Variants in TAP1 observed in about 807,000 individuals in gnomAD.
TAP1 encodes the protein transporter 1, ATP binding cassette subfamily B member, also known as antigen peptide transporter 1.
A neutral mutation model predicts 79.3 loss-of-function variants in TAP1; 56 were observed. The observed-to-expected ratio is 0.71, with a 90% confidence interval of 0.57 to 0.88. The LOEUF (loss-of-function observed/expected upper bound fraction) is 0.88. Ranked by LOEUF, TAP1 falls within the 40% of genes least tolerant of loss-of-function variation. The pLI, the probability that TAP1 is intolerant of heterozygous loss-of-function variation, is 0.00. For missense variants in TAP1, 737 were observed against 936.3 expected (o/e 0.79, Z 2.78); for synonymous variants, 355 against 401.4 (o/e 0.88, Z 1.38).
In TAP1 at chr6:32,852,340, A is replaced by G. The variant is rs375332946; in HGVS notation, c.713+48T>C. ...AAGTGCATTTCGGACAGCAGCCCCA[A>G]CTTCCAACTCCCTCATTTGCAGGGT... On this transcript the variant is annotated intron_variant, in intron 2 of 10. Transcript: ENST00000354258. The surrounding 1 kb of genome is among the most constrained non-coding windows in gnomAD (Gnocchi z 4.8). The G allele has an allele frequency of 6.2e-7, 1 of 1,603,778 alleles. No individual in the cohort carries two copies. Among genetic ancestry groups the G allele is most frequent in the African/African-American group, 1.5e-5 (1 of 68,740 alleles).
rs374080419 is a variant in TAP1, at chr6:32,847,495, G to C, written c.1903+18C>G. 6.5e-5 allele frequency: 105 copies of C among 1,613,128 alleles called. No homozygotes were observed. The highest frequency in any genetic ancestry group is 6.1e-4 in the African/African-American group (46 of 75,014). On this transcript the variant is annotated intron_variant, in intron 9 of 10. Coordinates refer to ENST00000354258, the MANE Select transcript of TAP1 (RefSeq NM_000593.6). The surrounding 1 kb of genome is among the most constrained non-coding windows in gnomAD (Gnocchi z 4.7). ...AAAGGTAAAGATGGCTGGGTGGTGA[G>C]ATGAGTGGAGAGAGTACCTGTGTCA...
Position 32,847,054 on chromosome 6 carries a change from G to A in TAP1, c.2040+14C>T, listed in dbSNP as rs1381369590. 6 of 1,611,976 alleles carry A rather than the reference G, an allele frequency of 3.7e-6. No homozygotes were observed. Among genetic ancestry groups the A allele is most frequent in the Non-Finnish European group, 4.2e-6 (5 of 1,180,044 alleles). Reference sequence around the variant, plus strand: ...TTGGGTGGGATATAGCCATTAAGAAGATGACTGCCTCACCTGTAACTGGCT... The same window carrying A: ...TTGGGTGGGATATAGCCATTAAGAAAATGACTGCCTCACCTGTAACTGGCT... On this transcript the variant is annotated intron_variant, in intron 10 of 10. Transcript: ENST00000354258. The surrounding 1 kb of genome is among the most constrained non-coding windows in gnomAD (Gnocchi z 4.7).
intron 7 of TAP1, 74 bp downstream of exon 7, chr6:32,848,578 G>A: frequency 6.6e-7 from 1 of 1,514,496 alleles, no homozygotes; most frequent in Non-Finnish European, 9.2e-7. Context: ...TAAGCAGGCT[G>A]AAGGCAGGAA....
At position 32,852,608 on chromosome 6, in the gene TAP1, G is replaced by T. The variant is rs1415786366; in HGVS notation, c.599-106C>A. The stretch of plus-strand genomic sequence containing the variant: ...CCTCCCCCTCACCATTATCCTGGAG[G>T]GCATCAGCAGAAAGGAAACACTGAC... On this transcript the variant is annotated intron_variant, in intron 1 of 10. Coordinates refer to ENST00000354258, the MANE Select transcript of TAP1 (RefSeq NM_000593.6). This position sits in a 1 kb window ranked among gnomAD's most constrained non-coding sequence, Gnocchi z 4.8. The T allele has an allele frequency of 3.2e-6, 5 of 1,557,698 alleles. No individual in the cohort carries two copies. Among genetic ancestry groups the T allele is most frequent in the Non-Finnish European group, 4.3e-6 (5 of 1,152,224 alleles).
Position 32,850,312 on chromosome 6 carries a change from G to A in TAP1, c.1248+8C>T. 1.9e-6 allele frequency: 3 copies of A among 1,614,070 alleles called. No homozygotes were observed. The highest frequency in any genetic ancestry group is 1.3e-5 in the African/African-American group (1 of 75,070). On this transcript the variant is annotated splice_region_variant and intron_variant, in intron 5 of 10. Coordinates refer to ENST00000354258, the MANE Select transcript of TAP1 (RefSeq NM_000593.6). The surrounding 1 kb of genome is among the most constrained non-coding windows in gnomAD (Gnocchi z 5.5). ...CAAGGGAATGGGTATTCATCTTCAG[G>A]TGCTCACACTAGTGGTCCAGGAGTT...
chr6:32,853,169 T>C lies in TAP1; in HGVS notation c.468A>G (p.Lys156=). 1 of 1,612,512 alleles carries C rather than the reference T, an allele frequency of 6.2e-7. No homozygotes were observed. The highest frequency in any genetic ancestry group is 8.5e-7 in the Non-Finnish European group (1 of 1,179,872). ...AALPAAALWH[K]LGSLWVPGGQ... is the part of the protein sequence containing the mutation. ...CGCCGGGCACCCAGAGGCTCCCGAGTTTGTGCCACAGGGCTGCTGCGGGCA... is the reference window on the plus strand; with the variant it reads ...CGCCGGGCACCCAGAGGCTCCCGAGCTTGTGCCACAGGGCTGCTGCGGGCA... The change falls in exon 1 of 11, where the codon AAA becomes AAG. Residue 156 remains lysine, a synonymous_variant. Transcript: ENST00000354258. This position sits in a 1 kb window ranked among gnomAD's most constrained non-coding sequence, Gnocchi z 8.3.
rs9469284 is a variant in TAP1, at chr6:32,847,041, T to C, written c.2040+27A>G. On this transcript the variant is annotated intron_variant, in intron 10 of 10. Transcript: ENST00000354258. This position sits in a 1 kb window ranked among gnomAD's most constrained non-coding sequence, Gnocchi z 4.7. ...AAAAGAAGCAAGATTGGGTGGGATA[T>C]AGCCATTAAGAAGATGACTGCCTCA... The C allele has an allele frequency of 5.4e-3, 8,631 of 1,611,038 alleles. 340 individuals are homozygous for C. In the African/African-American group the frequency reaches 0.086, roughly 16 times the overall value.
In TAP1 at chr6:32,851,883, G is replaced by A. The variant is rs116751869; in HGVS notation, c.844+226C>T. Among the ~76,000 whole-genome samples the A allele has an allele frequency of 0.016, 2,377 of 151,520 alleles. 32 individuals are homozygous for A. Among genetic ancestry groups the A allele is most frequent in the Non-Finnish European group, 0.021 (1,399 of 67,914 alleles). The stretch of plus-strand genomic sequence containing the variant: ...AGGAGGACAATATTTTGCTCCTGAG[G>A]TATATCAAGAATGAGAAAAACAATT... On this transcript the variant is annotated intron_variant, in intron 3 of 10. Coordinates refer to ENST00000354258, the MANE Select transcript of TAP1 (RefSeq NM_000593.6). The surrounding 1 kb of genome is among the most constrained non-coding windows in gnomAD (Gnocchi z 4.8).
intron 5 of TAP1, 22 bp from the exon 6 acceptor site, chr6:32,849,140 A>AC (rs746067695): frequency 2.1e-5 from 33 of 1,565,560 alleles, no homozygotes; most frequent in Non-Finnish European, 2.9e-5. Flanking sequence ...CCACAAAAAA[A>AC]GGGACTGAGG....
Position 32,847,478 on chromosome 6 carries a change from A to T in TAP1, c.1903+35T>A, listed in dbSNP as rs1376647444. On this transcript the variant is annotated intron_variant, in intron 9 of 10. Transcript: ENST00000354258. This position sits in a 1 kb window ranked among gnomAD's most constrained non-coding sequence, Gnocchi z 4.7. Reference sequence around the variant, plus strand: ...ACTACTGGGGTTTCAGCAAAGGTAAAGATGGCTGGGTGGTGAGATGAGTGG... The same window carrying T: ...ACTACTGGGGTTTCAGCAAAGGTAATGATGGCTGGGTGGTGAGATGAGTGG... The T allele has an allele frequency of 6.2e-7, 1 of 1,612,826 alleles. No homozygotes were observed.
Position 32,850,325 on chromosome 6 carries a change from TG to T in TAP1, c.1242del (p.Thr415LeufsTer8). The T allele has an allele frequency of 6.2e-7, 1 of 1,614,230 alleles. No homozygotes were observed. Among genetic ancestry groups the T allele is most frequent in the Non-Finnish European group, 8.5e-7 (1 of 1,180,024 alleles). On this transcript the variant is annotated frameshift_variant, in exon 5 of 11. Transcript: ENST00000354258. LOFTEE classifies it high-confidence loss of function. This position sits in a 1 kb window ranked among gnomAD's most constrained non-coding sequence, Gnocchi z 5.5. ...ATTCATCTTCAGGTGCTCACACTAG[TG>T]GTCCAGGAGTTGACTGCATAGGCCA... is the stretch of plus-strand genomic sequence containing the variant. ...EAVAYAVNSW[T>X]TSISGMLLKV...
Position 32,852,259 on chromosome 6 carries a change from A to G in TAP1, c.714-20T>C, listed in dbSNP as rs755578511. 5.0e-6 allele frequency: 8 copies of G among 1,612,862 alleles called. No homozygotes were observed. The highest frequency in any genetic ancestry group is 2.2e-5 in the East Asian group (1 of 44,888). ...ACTGCACTATAAAGAACCCGGAAAA[A>G]AAGGGGATCAGGGTGTGTTCAGGGA... On this transcript the variant is annotated intron_variant, in intron 2 of 10. Coordinates refer to ENST00000354258, the MANE Select transcript of TAP1 (RefSeq NM_000593.6). This position sits in a 1 kb window ranked among gnomAD's most constrained non-coding sequence, Gnocchi z 4.8.
At position 32,852,627 on chromosome 6, in the gene TAP1, C is replaced by T. The variant is rs960401835; in HGVS notation, c.599-125G>A. On this transcript the variant is annotated intron_variant, in intron 1 of 10. Coordinates refer to ENST00000354258, the MANE Select transcript of TAP1 (RefSeq NM_000593.6). This position sits in a 1 kb window ranked among gnomAD's most constrained non-coding sequence, Gnocchi z 4.8. ...CTGGAGGGCATCAGCAGAAAGGAAA[C>T]ACTGACGTCTCAATCCCGAACCTAA... is the stretch of plus-strand genomic sequence containing the variant. 3.2e-6 allele frequency: 5 copies of T among 1,545,994 alleles called. No homozygotes were observed. The African/African-American group carries it at 6.9e-5, about 21-fold the overall frequency.
In TAP1 at chr6:32,847,251, C is replaced by T. The variant is rs1181147569; in HGVS notation, c.1904-47G>A. 6 of 1,606,530 alleles carry T rather than the reference C, an allele frequency of 3.7e-6. No homozygotes were observed. The highest frequency in any genetic ancestry group is 4.2e-6 in the Non-Finnish European group (5 of 1,179,512). On this transcript the variant is annotated intron_variant, in intron 9 of 10. Coordinates refer to ENST00000354258, the MANE Select transcript of TAP1 (RefSeq NM_000593.6). The surrounding 1 kb of genome is among the most constrained non-coding windows in gnomAD (Gnocchi z 4.7). ...TGAGAACGGTATAGCCACATGTGTG[C>T]ACGCATGTACATGCACACAGACACA...
chr6:32,848,275 G>T (rs1208129784), intron 7 of TAP1, 183 bp from the exon 8 acceptor site: 4 of 792,648 alleles, frequency 5.0e-6, no homozygotes, highest in Non-Finnish European at 8.2e-6. Context: ...GATAGAAGAA[G>T]CGGCAAAGAC....
chr6:32,845,693 G>A lies in TAP1; in HGVS notation c.2133C>T (p.His711=). The change falls in exon 11 of 11, where the codon CAC becomes CAT. Residue 711 remains histidine, a synonymous_variant. Coordinates refer to ENST00000354258, the MANE Select transcript of TAP1 (RefSeq NM_000593.6). This position sits in a 1 kb window ranked among gnomAD's most constrained non-coding sequence, Gnocchi z 4.5. ...QHLSLVEQAD[H]ILFLEGGAIR... is the part of the protein sequence containing the mutation. ...TAGCGCCTCCTTCCAGAAAGAGGAT[G>A]TGGTCAGCCTGCTCCACCAGGCTGA... The A allele has an allele frequency of 1.2e-6, 2 of 1,613,094 alleles. No homozygotes were observed. Among genetic ancestry groups the A allele is most frequent in the Non-Finnish European group, 1.7e-6 (2 of 1,180,038 alleles).
chr6:32,851,062 AC>A lies in TAP1; in HGVS notation c.931del (p.Val311CysfsTer22). ...GATCCCCAAGAGACATAGGCCTCGC[AC>A]CAGGTACCACAGAAATAAGCTCAGA... The part of the protein sequence containing the change: ...ENLSLFLWYL[V>X]RGLCLLGIML... On this transcript the variant is annotated frameshift_variant, in exon 4 of 11. Transcript: ENST00000354258. LOFTEE classifies it high-confidence loss of function. The surrounding 1 kb of genome is among the most constrained non-coding windows in gnomAD (Gnocchi z 4.8). 1 of 1,613,080 alleles carries A rather than the reference AC, an allele frequency of 6.2e-7. No individual in the cohort carries two copies. Among genetic ancestry groups the A allele is most frequent in the African/African-American group, 1.3e-5 (1 of 75,044 alleles).
rs370696557 is a variant in TAP1, at chr6:32,851,569, T to C, written c.845-420A>G. 2.6e-5 allele frequency among the ~76,000 whole-genome samples: 4 copies of C among 152,138 alleles called. No individual in the cohort carries two copies. Among genetic ancestry groups the C allele is most frequent in the African/African-American group, 9.7e-5 (4 of 41,424 alleles). ...AGGGTTCTAACCCCAGGTCTATCTC[T>C]AGCCATATGTAACTGTACAGCTTCT... On this transcript the variant is annotated intron_variant, in intron 3 of 10. Coordinates refer to ENST00000354258, the MANE Select transcript of TAP1 (RefSeq NM_000593.6). The surrounding 1 kb of genome is among the most constrained non-coding windows in gnomAD (Gnocchi z 4.8).
rs760340872 is a variant in TAP1, at chr6:32,851,049, A to G, written c.945T>C (p.Cys315=). The G allele has an allele frequency of 1.2e-6, 2 of 1,613,036 alleles. No individual in the cohort carries two copies. The highest frequency in any genetic ancestry group is 2.2e-5 in the South Asian group (2 of 91,086). ...ATCCCCAGAGCATGATCCCCAAGAGACATAGGCCTCGCACCAGGTACCACA... is the reference window on the plus strand; with the variant it reads ...ATCCCCAGAGCATGATCCCCAAGAGGCATAGGCCTCGCACCAGGTACCACA... The part of the protein sequence containing the change: ...LFLWYLVRGL[C]LLGIMLWGSV... The change falls in exon 4 of 11, where the codon TGT becomes TGC. Residue 315 remains cysteine, a synonymous_variant. Coordinates refer to ENST00000354258, the MANE Select transcript of TAP1 (RefSeq NM_000593.6). The surrounding 1 kb of genome is among the most constrained non-coding windows in gnomAD (Gnocchi z 4.8).
Sources: gnomAD v4.1 joint callset for allele counts (sites outside exome capture counted in the v4.1 genomes callset) on GRCh38, gnomAD v4.1.1 for gene constraint, Gnocchi (gnomAD v3.1) non-coding constraint, MANE v1.5 for transcripts, NCBI Gene and HGNC (gene_info 2026-07-23, HGNC 2026-07-21) for gene names.